COL5A2: variants seen among roughly 807,000 people sequenced by gnomAD.
The protein encoded by COL5A2 is collagen type V alpha 2 chain.
A neutral mutation model predicts 208.2 loss-of-function variants in COL5A2; 23 were observed. The observed-to-expected ratio is 0.11, with a 90% CI of 0.08 to 0.16. The LOEUF is 0.16. Among genes scored for constraint, COL5A2 ranks in the 10% least tolerant of loss-of-function variants. The probability of loss-of-function intolerance (pLI) is 1.00; values close to 1 mark genes in which losing one functional copy is unlikely to be tolerated. For missense variants in COL5A2, 1,590 were observed against 1,956.4 expected (o/e 0.81, Z 3.53); for synonymous variants, 625 against 628.5 (o/e 0.99, Z 0.08).
the COL5A2 span, among the ~76,000 whole-genome samples, chr2:189,362,286 A>T: frequency 6.6e-6 from 1 of 152,188 alleles, no homozygotes; most frequent in Admixed American, 6.5e-5. Flanking sequence ...TAATGGCTTT[A>T]TAAGGCCACC....
At chr2:189,239,062 A>T in the COL5A2 span, among the ~76,000 whole-genome samples, 1 of 152,180 alleles carries the variant, frequency 6.6e-6, no homozygotes, top group Non-Finnish European at 1.5e-5. Context: ...TAGCAAAGTC[A>T]TCCCAAATGA....
At chr2:189,422,188 A>G in the COL5A2 span, among the ~76,000 whole-genome samples, 1 of 152,184 alleles carries the variant, frequency 6.6e-6, no homozygotes, top group Non-Finnish European at 1.5e-5. Flanking sequence ...ACTGGCCCTA[A>G]AGAGCTGGAG....
upstream of COL5A2, among the ~76,000 whole-genome samples, chr2:189,182,944 C>T (rs1474897849): frequency 6.6e-6 from 1 of 152,140 alleles, no homozygotes; most frequent in African/African-American, 2.4e-5. Flanking sequence ...CTCTACCTTC[C>T]ACCTTTCTTC....
chr2:189,227,356 G>A (rs1689434751), upstream of COL5A2, among the ~76,000 whole-genome samples: 1 of 152,022 alleles, frequency 6.6e-6, no homozygotes, highest in Non-Finnish European at 1.5e-5. Context: ...TAACAAAACA[G>A]CAATAAGTTC....
chr2:189,397,619 A>G, the COL5A2 span, among the ~76,000 whole-genome samples: 2 of 41,962 alleles, frequency 4.8e-5, no homozygotes, highest in African/African-American at 7.9e-5. Flanking sequence ...TTGTTTATGT[A>G]TTTCATCGTT....
At chr2:189,123,362 A>G (rs1271478159) in intron 1 of COL5A2, among the ~76,000 whole-genome samples, 3 of 152,212 alleles carry the variant, frequency 2.0e-5, no homozygotes, top group Admixed American at 2.0e-4. Flanking sequence ...TAAAAGATAT[A>G]CTGAATTCCT....
At chr2:189,143,706 C>T (rs1289011945) in intron 1 of COL5A2, among the ~76,000 whole-genome samples, 2 of 152,072 alleles carry the variant, frequency 1.3e-5, no homozygotes, top group East Asian at 3.9e-4. Flanking sequence ...ATATACCTTG[C>T]TTTGGTGTGA....
At chr2:189,209,745 G>A (rs923631119) in intron 1 of COL5A2, among the ~76,000 whole-genome samples, 2 of 152,226 alleles carry the variant, frequency 1.3e-5, no homozygotes, top group South Asian at 4.1e-4. Flanking sequence ...TGGCTGAGTA[G>A]ATGATGAAGC....
At chr2:189,235,984 T>C in the COL5A2 span, among the ~76,000 whole-genome samples, 275 of 151,070 alleles carry the variant, frequency 1.8e-3, 1 homozygote, top group African/African-American at 6.5e-3. Flanking sequence ...AGAGGCTGCA[T>C]ATTTGTCCAT....
chr2:189,231,423 G>A, the COL5A2 span, among the ~76,000 whole-genome samples: 35 of 151,786 alleles, frequency 2.3e-4, no homozygotes, highest in East Asian at 6.2e-3. Flanking sequence ...AGCCCCTTCT[G>A]AAAGGTGGCC....
rs1449229255 is a variant in COL5A2 at position 189,057,645 on chromosome 2, T to C, written c.2230-218A>G. The stretch of plus-strand genomic sequence containing the variant: ...ATTGCTGCTTTATATTTTTAACTTT[T>C]CTCTTAAGAGGCAATTGAACGCTAT... On this transcript the variant is annotated intron_variant, in intron 33 of 53. Coordinates refer to ENST00000374866, the MANE Select transcript of COL5A2 (RefSeq NM_000393.5). Among the ~76,000 whole-genome samples the C allele has an allele frequency of 2.0e-5, 3 of 152,332 alleles. No homozygotes were observed. In the Middle Eastern group the frequency reaches 0.01, roughly 518 times the overall value.
chr2:189,288,486 C>T, the COL5A2 span, among the ~76,000 whole-genome samples: 1 of 151,904 alleles, frequency 6.6e-6, no homozygotes, highest in African/African-American at 2.4e-5. Context: ...GAAATAAATT[C>T]CTAGACACAT....
At chr2:189,301,868 C>T in the COL5A2 span, among the ~76,000 whole-genome samples, 5 of 152,160 alleles carry the variant, frequency 3.3e-5, no homozygotes, top group East Asian at 9.7e-4. Context: ...GAATTTTGTG[C>T]TAACACTAGT....
At chr2:189,101,456 A>C (rs1451473483) in intron 3 of COL5A2, among the ~76,000 whole-genome samples, 1 of 151,984 alleles carries the variant, frequency 6.6e-6, no homozygotes, top group Admixed American at 6.6e-5. Context: ...CTTACTCTTA[A>C]ATTTTGTTTT....
chr2:189,261,977 A>T, the COL5A2 span, among the ~76,000 whole-genome samples: 10 of 152,178 alleles, frequency 6.6e-5, no homozygotes, highest in Non-Finnish European at 1.0e-4. Context: ...TAGTTATGGC[A>T]ATCTTGATGA....
intron 1 of COL5A2, among the ~76,000 whole-genome samples, chr2:189,141,096 C>T (rs188521376): frequency 1.1e-3 from 169 of 152,150 alleles, no homozygotes; most frequent in African/African-American, 4.0e-3. Context: ...GTGAGGTATT[C>T]TGGGAAATGA....
chr2:189,157,175 A>C (rs563400881), intron 1 of COL5A2, among the ~76,000 whole-genome samples: 61 of 88,660 alleles, frequency 6.9e-4, no homozygotes, highest in African/African-American at 4.4e-3. Flanking sequence ...ATATATATCT[A>C]TATATATAGC....
intron 1 of COL5A2, among the ~76,000 whole-genome samples, chr2:189,207,029 AC>A (rs1350352131): frequency 3.3e-5 from 5 of 152,212 alleles, no homozygotes; most frequent in Admixed American, 2.6e-4. Context: ...TGTAAACATA[AC>A]CTTGGATTTT....
At chr2:189,054,065 G>C (rs992446682) in intron 36 of COL5A2, 94 bp downstream of exon 36, 7 of 1,387,436 alleles carry the variant, frequency 5.0e-6, no homozygotes, top group African/African-American at 2.8e-5. Context: ...ATCTTGCTCA[G>C]ATACCATATG....
Sources: allele counts gnomAD v4.1 joint callset (sites outside exome capture counted in the v4.1 genomes callset), GRCh38; gene constraint gnomAD v4.1.1; transcripts MANE v1.5; gene names NCBI Gene and HGNC (gene_info 2026-07-23, HGNC 2026-07-21).